CEP85L: variants seen among roughly 807,000 people sequenced by gnomAD.
CEP85L encodes the protein centrosomal protein 85L.
A neutral mutation model predicts 100.3 loss-of-function variants in CEP85L; 60 were observed. The ratio of observed to expected loss-of-function variants is 0.60; its 90% CI spans 0.49 to 0.74. The LOEUF (loss-of-function observed/expected upper bound fraction) is 0.74, where lower values mean the gene tolerates loss of function less well. Ranked by LOEUF, CEP85L falls within the 30% of genes least tolerant of loss-of-function variation. The pLI is 0.00. For missense variants in CEP85L, 973 were observed against 936.2 expected (o/e 1.04, Z -0.51); for synonymous variants, 319 against 322.7 (o/e 0.99, Z 0.12).
At chr6:118,534,019 C>A (rs1777443136) in intron 3 of CEP85L, among the ~76,000 whole-genome samples, 1 of 151,806 alleles carries the variant, frequency 6.6e-6, no homozygotes, top group Non-Finnish European at 1.5e-5. Context: ...GGCTTGAACC[C>A]AGGAGGCGGA....
chr6:118,592,353 A>G (rs564823713), intron 2 of CEP85L, among the ~76,000 whole-genome samples: 2 of 139,374 alleles, frequency 1.4e-5, no homozygotes, highest in Non-Finnish European at 3.1e-5. Flanking sequence ...TTTTTTGATC[A>G]GTAAAAAGGA....
chr6:118,486,620 A>C (rs1441300422), intron 6 of CEP85L, among the ~76,000 whole-genome samples: 3 of 151,938 alleles, frequency 2.0e-5, no homozygotes, highest in Non-Finnish European at 4.4e-5. Flanking sequence ...TAATCTATGC[A>C]CTCCCTTGAA....
chr6:118,709,716 C>T lies in CEP85L; in HGVS notation c.-28+320G>A, dbSNP rs1273518916. 2.0e-5 allele frequency among the ~76,000 whole-genome samples: 3 copies of T among 152,080 alleles called. No individual in the cohort carries two copies. In the East Asian group the frequency reaches 5.8e-4, roughly 29 times the overall value. On this transcript the variant is annotated intron_variant, in intron 1 of 13. Transcript: ENST00000368488. ...AGTAAATGCAGAGTAACAGTCATTT[C>T]TAAAACAAAGATAAAACACTCCAAA...
chr6:118,478,781 C>G (rs1224099268), intron 10 of CEP85L, among the ~76,000 whole-genome samples: 1 of 152,094 alleles, frequency 6.6e-6, no homozygotes, highest in Admixed American at 6.5e-5. Context: ...TTACATGTGA[C>G]TACAGACTTG....
intron 2 of CEP85L, among the ~76,000 whole-genome samples, chr6:118,626,461 C>T (rs1773802005): frequency 6.6e-6 from 1 of 152,164 alleles, no homozygotes; most frequent in Non-Finnish European, 1.5e-5. Flanking sequence ...TCTTGCTGTA[C>T]AGCTCCAAGG....
At chr6:118,681,173 A>G (rs1776645707) in intron 1 of CEP85L, among the ~76,000 whole-genome samples, 1 of 152,246 alleles carries the variant, frequency 6.6e-6, no homozygotes, top group Non-Finnish European at 1.5e-5. Flanking sequence ...CTTTGAATGC[A>G]ATTCCTAAAA....
Position 118,487,042 on chromosome 6 carries a change from C to T in CEP85L, c.1438-3184G>A, listed in dbSNP as rs767101168. On this transcript the variant is annotated intron_variant, in intron 6 of 12. Transcript: ENST00000368491. ...AGAAATATAAAAAATAATGATTATA[C>T]AAATTGGGTTGAGCCCTGGAAAAAA... Among the ~76,000 whole-genome samples the T allele has an allele frequency of 5.3e-5, 8 of 151,672 alleles. No individual in the cohort carries two copies. In the South Asian group the frequency reaches 1.7e-3, roughly 32 times the overall value.
At chr6:118,481,056 TATTA>T (rs1773744806) in intron 8 of CEP85L, among the ~76,000 whole-genome samples, 1 of 151,910 alleles carries the variant, frequency 6.6e-6, no homozygotes, top group South Asian at 2.1e-4. Flanking sequence ...CTTACAACTG[TATTA>T]ATTGAGACCC....
Position 118,565,642 on chromosome 6 carries a change from G to T in CEP85L, c.907C>A (p.Gln303Lys). 6.2e-7 allele frequency: 1 copy of T among 1,614,174 alleles called. No homozygotes were observed. Among genetic ancestry groups the T allele is most frequent in the Non-Finnish European group, 8.5e-7 (1 of 1,180,014 alleles). The part of the protein sequence containing the change: ...SVRTQMWLTE[Q>K]LRTNPLEGRN... ...CCTTCCAAAGGATTTGTCCGCAGCT[G>T]CTCTGTAAGCCACATCTGAGTCCTT... The change falls in exon 3 of 13, where the codon CAG (glutamine) becomes AAG (lysine). Residue 303 changes from glutamine to lysine, a missense_variant. Transcript: ENST00000368491.
At chr6:118,491,117 G>A (rs967689062) in intron 6 of CEP85L, among the ~76,000 whole-genome samples, 1 of 151,022 alleles carries the variant, frequency 6.6e-6, no homozygotes, top group Admixed American at 6.6e-5. Flanking sequence ...TCTCCACGCT[G>A]TTTTCCATAG....
intron 1 of CEP85L, among the ~76,000 whole-genome samples, chr6:118,650,971 G>A (rs1173722440): frequency 6.6e-6 from 1 of 152,240 alleles, no homozygotes. Flanking sequence ...GCAGCCCAAG[G>A]AGGAGCGGCG....
intron 2 of CEP85L, among the ~76,000 whole-genome samples, chr6:118,599,923 AGAG>A (rs1222525022): frequency 1.3e-5 from 2 of 152,310 alleles, no homozygotes; most frequent in East Asian, 1.9e-4. Flanking sequence ...GTCACAGACC[AGAG>A]GAGATTAAGA....
Position 118,602,173 on chromosome 6 carries a change from C to T in CEP85L, c.232+30280G>A, listed in dbSNP as rs190919867. The stretch of plus-strand genomic sequence containing the variant: ...GATATTCCTGCCTAAGTATGAGGGT[C>T]TCTTGCACTCAGGGTAGAGAGGAGC... On this transcript the variant is annotated intron_variant, in intron 2 of 12. Coordinates refer to ENST00000368491, the MANE Select transcript of CEP85L (RefSeq NM_001042475.3). Among the ~76,000 whole-genome samples, 9 of 152,270 alleles carry T rather than the reference C, an allele frequency of 5.9e-5. No homozygotes were observed. In the East Asian group the frequency reaches 1.5e-3, roughly 26 times the overall value.
chr6:118,496,418 C>T (rs987912866), intron 5 of CEP85L, among the ~76,000 whole-genome samples: 5 of 111,914 alleles, frequency 4.5e-5, no homozygotes, highest in Admixed American at 1.7e-4. Context: ...TGCAATGGCA[C>T]GATCTCGGCT....
chr6:118,470,478 A>C, intron 11 of CEP85L, 59 bp downstream of exon 11: 5 of 961,312 alleles, frequency 5.2e-6, no homozygotes, highest in Non-Finnish European at 7.6e-6. Flanking sequence ...AATATCTATA[A>C]AATAAGCATT....
Position 118,696,152 on chromosome 6 carries a change from T to G in CEP85L, c.-28+13884A>C, listed in dbSNP as rs368534989. The stretch of plus-strand genomic sequence containing the variant: ...CTGATGTGGTGGCACATGCCTGTAA[T>G]TCCAGCTACTCGGGAGGCTGAGGCA... On this transcript the variant is annotated intron_variant, in intron 1 of 13. Transcript: ENST00000368488. Among the ~76,000 whole-genome samples, 473 of 152,180 alleles carry G rather than the reference T, an allele frequency of 3.1e-3. 17 individuals are homozygous for G. In the South Asian group the frequency reaches 0.079, roughly 25 times the overall value.
At chr6:118,541,345 C>T (rs141621358) in intron 3 of CEP85L, among the ~76,000 whole-genome samples, 1 of 152,242 alleles carries the variant, frequency 6.6e-6, no homozygotes, top group Non-Finnish European at 1.5e-5. Context: ...TATGGCTTTC[C>T]TGAAATATAG....
At chr6:118,470,461 C>A (rs2114430003) in intron 11 of CEP85L, 76 bp downstream of exon 11, 7 of 701,346 alleles carry the variant, frequency 1.0e-5, no homozygotes, top group Middle Eastern at 4.3e-4. Context: ...TCTGAAAATG[C>A]TCTATTAATA....
intron 2 of CEP85L, among the ~76,000 whole-genome samples, chr6:118,610,749 T>C (rs1487599323): frequency 1.3e-5 from 2 of 150,026 alleles, no homozygotes; most frequent in Non-Finnish European, 3.0e-5. Flanking sequence ...AGAAAAAAAA[T>C]ATTGAAATCA....
Sources: gnomAD v4.1 joint callset for allele counts (sites outside exome capture counted in the v4.1 genomes callset) on GRCh38, gnomAD v4.1.1 for gene constraint, MANE v1.5 for transcripts, NCBI Gene and HGNC (gene_info 2026-07-23, HGNC 2026-07-21) for gene names.